TMEM132D: variants seen among roughly 807,000 people sequenced by gnomAD.
TMEM132D encodes the protein transmembrane protein 132D.
TMEM132D carries 21 observed loss-of-function variants against 62.3 expected under a neutral mutation model. The ratio of observed to expected loss-of-function variants is 0.34; its 90% CI spans 0.24 to 0.49. The LOEUF (loss-of-function observed/expected upper bound fraction) is 0.49, where lower values mean the gene tolerates loss of function less well. TMEM132D is among the 20% of genes least tolerant of loss of function. TMEM132D has a pLI of 0.99. For missense variants in TMEM132D, 1,346 were observed against 1,402.8 expected (o/e 0.96, Z 0.65); for synonymous variants, 621 against 575.6 (o/e 1.08, Z -1.13).
intron 3 of TMEM132D, among the ~76,000 whole-genome samples, chr12:129,497,839 T>G (rs1453000685): frequency 6.6e-6 from 1 of 152,128 alleles, no homozygotes. Flanking sequence ...TTTTATGTTT[T>G]TAGGAGAGAT....
chr12:129,721,072 C>T lies in TMEM132D; in HGVS notation c.80-20374G>A, dbSNP rs141335454. 3.6e-3 allele frequency among the ~76,000 whole-genome samples: 542 copies of T among 152,300 alleles called. 2 individuals carry two copies. Among genetic ancestry groups the T allele is most frequent in the African/African-American group, 0.012 (500 of 41,572 alleles). Reference sequence around the variant, plus strand: ...TCCCCTGAGGACATGGCATTTGAGCCGGACATTGGCATTCAGTTAGGATAG... The same window carrying T: ...TCCCCTGAGGACATGGCATTTGAGCTGGACATTGGCATTCAGTTAGGATAG... On this transcript the variant is annotated intron_variant, in intron 1 of 8. Coordinates refer to ENST00000422113, the MANE Select transcript of TMEM132D (RefSeq NM_133448.3).
chr12:129,340,986 C>A (rs1231246991), intron 3 of TMEM132D, among the ~76,000 whole-genome samples: 1 of 152,206 alleles, frequency 6.6e-6, no homozygotes, highest in Non-Finnish European at 1.5e-5. Flanking sequence ...GACCGAGTTC[C>A]TGACAATTTC....
At chr12:129,630,948 C>A (rs1234631133) in intron 2 of TMEM132D, among the ~76,000 whole-genome samples, 2 of 152,062 alleles carry the variant, frequency 1.3e-5, no homozygotes, top group African/African-American at 2.4e-5. Context: ...TAAGTGAGAA[C>A]ATAAGGTACT....
intron 3 of TMEM132D, among the ~76,000 whole-genome samples, chr12:129,455,453 A>T (rs1873434983): frequency 6.6e-6 from 1 of 152,232 alleles, no homozygotes; most frequent in Admixed American, 6.5e-5. Flanking sequence ...TTTAAAAAAC[A>T]CAGATTTGAG....
At chr12:129,391,389 G>A (rs1270061996) in intron 3 of TMEM132D, among the ~76,000 whole-genome samples, 1 of 152,188 alleles carries the variant, frequency 6.6e-6, no homozygotes, top group Non-Finnish European at 1.5e-5. Flanking sequence ...CCTCTAACTG[G>A]AGTTCTAGAA....
chr12:129,615,461 G>A (rs571533670), intron 2 of TMEM132D, among the ~76,000 whole-genome samples: 32 of 151,220 alleles, frequency 2.1e-4, no homozygotes, highest in South Asian at 1.9e-3. Flanking sequence ...AAAAAAGTAC[G>A]GCCGTGAGAC....
At chr12:129,296,161 GA>G (rs1231527650) in intron 4 of TMEM132D, among the ~76,000 whole-genome samples, 1 of 151,610 alleles carries the variant, frequency 6.6e-6, no homozygotes, top group Non-Finnish European at 1.5e-5. Context: ...TGTTTTTCTG[GA>G]AAACCCTGAC....
chr12:129,512,451 C>G (rs182926768), intron 3 of TMEM132D, among the ~76,000 whole-genome samples: 1 of 152,170 alleles, frequency 6.6e-6, no homozygotes, highest in African/African-American at 2.4e-5. Flanking sequence ...ATAGCCAGCA[C>G]AGAGACGAAC....
At chr12:129,394,573 A>AG (rs1871370006) in intron 3 of TMEM132D, among the ~76,000 whole-genome samples, 1 of 152,220 alleles carries the variant, frequency 6.6e-6, no homozygotes, top group African/African-American at 2.4e-5. Context: ...ATCCTGGAGA[A>AG]GGGGGAGACA....
Position 129,269,288 on chromosome 12 carries a change from T to A in TMEM132D, c.1300-59625A>T, listed in dbSNP as rs569014663. Among the ~76,000 whole-genome samples, 14 of 152,282 alleles carry A rather than the reference T, an allele frequency of 9.2e-5. No individual in the cohort carries two copies. In the South Asian group the frequency reaches 2.7e-3, roughly 29 times the overall value. The stretch of plus-strand genomic sequence containing the variant: ...TAGAGAAAACCTCCAGGCCACCCAG[T>A]CTAAGTTGGTCCTTTCTATCCCATT... On this transcript the variant is annotated intron_variant, in intron 4 of 8. Coordinates refer to ENST00000422113, the MANE Select transcript of TMEM132D (RefSeq NM_133448.3).
intron 4 of TMEM132D, among the ~76,000 whole-genome samples, chr12:129,220,990 C>T (rs141524019): frequency 4.8e-4 from 73 of 152,072 alleles, no homozygotes; most frequent in East Asian, 1.4e-3. Flanking sequence ...GTTGGGCCAG[C>T]CATGCAGGTG....
At chr12:129,648,178 G>T (rs1879834836) in intron 2 of TMEM132D, among the ~76,000 whole-genome samples, 1 of 152,020 alleles carries the variant, frequency 6.6e-6, no homozygotes, top group Non-Finnish European at 1.5e-5. Context: ...ACCTGAGATT[G>T]GTGTTTGGGG....
At chr12:129,829,903 C>T (rs375989207) in intron 1 of TMEM132D, among the ~76,000 whole-genome samples, 1 of 152,306 alleles carries the variant, frequency 6.6e-6, no homozygotes, top group Admixed American at 6.5e-5. Flanking sequence ...CTGCAACCAA[C>T]TGAATCAAAT....
At chr12:129,307,919 A>G (rs573324441) in intron 4 of TMEM132D, among the ~76,000 whole-genome samples, 4 of 152,302 alleles carry the variant, frequency 2.6e-5, no homozygotes, top group African/African-American at 7.2e-5. Context: ...CCTAACTATT[A>G]CACTAGGAAT....
chr12:129,074,487 T>C lies in TMEM132D; in HGVS notation c.2688A>G (p.Arg896=), dbSNP rs2135603319. 2 of 1,614,096 alleles carry C rather than the reference T, an allele frequency of 1.2e-6. No individual in the cohort carries two copies. The highest frequency in any genetic ancestry group is 8.5e-7 in the Non-Finnish European group (1 of 1,180,022). Reference sequence around the variant, plus strand: ...CATTCCCATCCATTTCCCCATTGCTTCTGGGGAGGTCCACCTGGGCTGGGA... The same window carrying C: ...CATTCCCATCCATTTCCCCATTGCTCCTGGGGAGGTCCACCTGGGCTGGGA... ...TSFPAQVDLP[R]SNGEMDGNDL... Residue 896 remains arginine, a synonymous_variant, in exon 9 of 9, where the codon AGA becomes AGG. Transcript: ENST00000422113.
chr12:129,217,116 G>C (rs552676964), intron 4 of TMEM132D, among the ~76,000 whole-genome samples: 1 of 152,052 alleles, frequency 6.6e-6, no homozygotes. Flanking sequence ...AGATGAGTAC[G>C]GTTAGAAGAA....
chr12:129,201,956 A>G (rs1593294372), intron 5 of TMEM132D, among the ~76,000 whole-genome samples: 1 of 152,078 alleles, frequency 6.6e-6, no homozygotes, highest in African/African-American at 2.4e-5. Flanking sequence ...TGAGAATCAC[A>G]GTGTATATTA....
At chr12:129,091,667 C>T (rs902078825) in intron 5 of TMEM132D, among the ~76,000 whole-genome samples, 5 of 152,194 alleles carry the variant, frequency 3.3e-5, no homozygotes, top group African/African-American at 1.2e-4. Context: ...GAGGACCTTA[C>T]CTATCTCACC....
chr12:129,355,165 G>A (rs538206615), intron 3 of TMEM132D, among the ~76,000 whole-genome samples: 2 of 152,294 alleles, frequency 1.3e-5, no homozygotes, highest in South Asian at 4.1e-4. Context: ...CCATTCATTT[G>A]GAGAGATCAA....
Sources: gnomAD v4.1 joint callset for allele counts (sites outside exome capture counted in the v4.1 genomes callset) on GRCh38, gnomAD v4.1.1 for gene constraint, MANE v1.5 for transcripts, NCBI Gene and HGNC (gene_info 2026-07-23, HGNC 2026-07-21) for gene names.